TTC7A: variants seen among roughly 807,000 people sequenced by gnomAD.
The protein encoded by TTC7A is tetratricopeptide repeat domain 7A.
A neutral mutation model predicts 103.7 loss-of-function variants in TTC7A; 110 were observed. That is an observed-to-expected ratio of 1.06 (90% CI 0.91 to 1.24). TTC7A has a LOEUF of 1.24. Ranked by LOEUF, TTC7A falls within the 50% of genes most tolerant of loss-of-function variation. The pLI, the probability that TTC7A is intolerant of heterozygous loss-of-function variation, is 0.00. For missense variants in TTC7A, 1,340 were observed against 1,116.3 expected (o/e 1.20, Z -2.86); for synonymous variants, 521 against 467.9 (o/e 1.11, Z -1.47).
chr2:47,016,635 G>A (rs986670077), intron 11 of TTC7A, among the ~76,000 whole-genome samples: 8 of 152,216 alleles, frequency 5.3e-5, no homozygotes, highest in African/African-American at 1.9e-4. Context: ...ACTCACCCTA[G>A]AAGTATTTTG....
intron 18 of TTC7A, among the ~76,000 whole-genome samples, chr2:47,057,950 C>T (rs148634584): frequency 2.0e-5 from 3 of 152,172 alleles, no homozygotes; most frequent in African/African-American, 4.8e-5. Context: ...CACTCCTGTC[C>T]CCACTCTTTC....
At chr2:46,999,643 T>G in intron 8 of TTC7A, 2 of 985,454 alleles carry the variant, frequency 2.0e-6, no homozygotes, top group Non-Finnish European at 2.4e-6. Flanking sequence ...GACCCCAGCC[T>G]GCTGAACCTC....
intron 9 of TTC7A, among the ~76,000 whole-genome samples, chr2:47,006,319 G>A (rs1451455958): frequency 2.0e-5 from 3 of 152,188 alleles, no homozygotes; most frequent in Non-Finnish European, 4.4e-5. Flanking sequence ...ATAAATGTTC[G>A]CTGCTATTTT....
chr2:46,926,279 C>T (rs1186843525), intron 2 of TTC7A, among the ~76,000 whole-genome samples: 1 of 152,206 alleles, frequency 6.6e-6, no homozygotes, highest in Non-Finnish European at 1.5e-5. Context: ...GTTCCACACA[C>T]TGAGTATATG....
At chr2:46,997,918 T>C (rs753705271) in intron 8 of TTC7A, among the ~76,000 whole-genome samples, 1 of 152,078 alleles carries the variant, frequency 6.6e-6, no homozygotes, top group African/African-American at 2.4e-5. Context: ...ACCCTCCAAG[T>C]GGAGAATGGC....
intron 8 of TTC7A, among the ~76,000 whole-genome samples, chr2:47,004,967 C>T (rs966469403): frequency 6.6e-6 from 1 of 152,128 alleles, no homozygotes; most frequent in Non-Finnish European, 1.5e-5. Flanking sequence ...AGTCCCACAT[C>T]CTTGATGGGG....
Position 46,926,421 on chromosome 2 carries a change from C to T in TTC7A, c.82+9144C>T, listed in dbSNP as rs544983367. 1.8e-4 allele frequency among the ~76,000 whole-genome samples: 27 copies of T among 152,190 alleles called. No individual in the cohort carries two copies. The South Asian group carries it at 5.2e-3, about 29-fold the overall frequency. ...GGTAAATGCTTGTTAGAGCCCAGGT[C>T]GCCATGGGAGCACACAGTGGGGGCA... is the stretch of plus-strand genomic sequence containing the variant. On this transcript the variant is annotated intron_variant, in intron 2 of 20. Coordinates refer to the TTC7A transcript ENST00000409245.
intron 18 of TTC7A, among the ~76,000 whole-genome samples, chr2:47,052,626 G>A (rs1682959150): frequency 6.6e-6 from 1 of 152,190 alleles, no homozygotes; most frequent in Non-Finnish European, 1.5e-5. Flanking sequence ...AATTTACCCT[G>A]ACAGTAGTGT....
In TTC7A at chr2:47,029,324, A is replaced by G; in HGVS notation, c.1742A>G (p.His581Arg). Residue 581 changes from histidine to arginine, a missense_variant, in exon 15 of 20, where the codon CAC becomes CGC. Coordinates refer to ENST00000319190, the MANE Select transcript of TTC7A (RefSeq NM_020458.4). ...GCACTGCTCTTCTCTGCCCAGAAGC[A>G]CCACCAGCATGCCCTGGATGTTGTC... ...LLALLFSAQK[H>R]HQHALDVVNM... 1 of 1,614,098 alleles carries G rather than the reference A, an allele frequency of 6.2e-7. No individual in the cohort carries two copies. The highest frequency in any genetic ancestry group is 1.3e-5 in the African/African-American group (1 of 75,064).
intron 11 of TTC7A, among the ~76,000 whole-genome samples, chr2:47,012,907 T>C (rs577652289): frequency 4.6e-5 from 7 of 152,342 alleles, no homozygotes; most frequent in African/African-American, 1.4e-4. Flanking sequence ...GCTCGTGTTC[T>C]TTATGCTGTC....
At chr2:46,939,711 G>A (rs566905823), upstream of TTC7A, among the ~76,000 whole-genome samples, 17 of 152,332 alleles carry the variant, frequency 1.1e-4, no homozygotes, top group South Asian at 2.9e-3. Context: ...AATGCCAGGC[G>A]TGGGGCAAAT....
At chr2:46,934,334 C>G (rs1669856921) in intron 2 of TTC7A, among the ~76,000 whole-genome samples, 1 of 152,240 alleles carries the variant, frequency 6.6e-6, no homozygotes, top group Non-Finnish European at 1.5e-5. Context: ...TCTCAGCTCA[C>G]TGCAACCTCT....
At chr2:46,978,126 C>T (rs998000123) in intron 4 of TTC7A, 4 of 152,460 alleles carry the variant, frequency 2.6e-5, no homozygotes, top group African/African-American at 7.2e-5. Context: ...ATACACAGAA[C>T]AGGGAAGCAG....
intron 11 of TTC7A, among the ~76,000 whole-genome samples, chr2:47,019,255 G>A (rs1000316871): frequency 2.0e-5 from 3 of 151,962 alleles, no homozygotes; most frequent in Non-Finnish European, 2.9e-5. Flanking sequence ...AATTATGGCC[G>A]GATGTGTTGG....
Position 47,060,754 on chromosome 2 carries a change from C to T in TTC7A, c.2153-15C>T. ...CCCACCACTCACACCTCCCACTGCCCTTCTGCTTTTGCAGCTGAGCTGTTC... is the reference window on the plus strand; with the variant it reads ...CCCACCACTCACACCTCCCACTGCCTTTCTGCTTTTGCAGCTGAGCTGTTC... On this transcript the variant is annotated splice_polypyrimidine_tract_variant and intron_variant, in intron 18 of 19. Coordinates refer to ENST00000319190, the MANE Select transcript of TTC7A (RefSeq NM_020458.4). 6.3e-7 allele frequency: 1 copy of T among 1,585,064 alleles called. No individual in the cohort carries two copies. The highest frequency in any genetic ancestry group is 8.6e-7 in the Non-Finnish European group (1 of 1,159,656).
At chr2:46,995,827 C>A (rs1303810019) in intron 8 of TTC7A, among the ~76,000 whole-genome samples, 1 of 152,254 alleles carries the variant, frequency 6.6e-6, no homozygotes, top group African/African-American at 2.4e-5. Flanking sequence ...AAAGTCCTTT[C>A]CCTCGTGGAG....
intron 15 of TTC7A, among the ~76,000 whole-genome samples, chr2:47,033,694 G>A (rs1680801507): frequency 6.6e-6 from 1 of 152,202 alleles, no homozygotes; most frequent in African/African-American, 2.4e-5. Flanking sequence ...GGCTTGGGAG[G>A]TTTATTGTGA....
rs1158931285 is a variant in TTC7A, at chr2:47,007,745, C to T, written c.1287+1021C>T. On this transcript the variant is annotated intron_variant, in intron 10 of 19. Transcript: ENST00000319190. This position sits in a 1 kb window ranked among gnomAD's most constrained non-coding sequence, Gnocchi z 4.9. ...GTGCGGGGAGAGGCTTGCTGGGGAG[C>T]CTTCCCTACCCCCATCTGCTGGGCA... 6.6e-6 allele frequency among the ~76,000 whole-genome samples: 1 copy of T among 152,152 alleles called. No individual in the cohort carries two copies. Among genetic ancestry groups the T allele is most frequent in the African/African-American group, 2.4e-5 (1 of 41,430 alleles).
chr2:47,018,667 TTA>T (rs1285210534), intron 11 of TTC7A, among the ~76,000 whole-genome samples: 1 of 151,668 alleles, frequency 6.6e-6, no homozygotes, highest in Non-Finnish European at 1.5e-5. Context: ...AAATATACAG[TTA>T]TATATCTACA....
Sources: gnomAD v4.1 joint callset for allele counts (sites outside exome capture counted in the v4.1 genomes callset) on GRCh38, gnomAD v4.1.1 for gene constraint, Gnocchi (gnomAD v3.1) non-coding constraint, MANE v1.5 for transcripts, NCBI Gene and HGNC (gene_info 2026-07-23, HGNC 2026-07-21) for gene names.